Variants in RUBCN observed in about 807,000 individuals in gnomAD.
The protein encoded by RUBCN is rubicon autophagy regulator, also known as run domain Beclin-1-interacting and cysteine-rich domain-containing protein.
RUBCN carries 74 observed loss-of-function variants against 113.2 expected under a neutral mutation model. The ratio of observed to expected loss-of-function variants is 0.65; its 90% confidence interval spans 0.54 to 0.79. The LOEUF is 0.79. RUBCN is among the 30% of genes least tolerant of loss of function. The pLI, the probability that RUBCN is intolerant of heterozygous loss-of-function variation, is 0.00. For missense variants in RUBCN, 1,109 were observed against 1,251.7 expected (o/e 0.89, Z 1.72); for synonymous variants, 480 against 490.0 (o/e 0.98, Z 0.27).
intron 6 of RUBCN, 78 bp downstream of exon 6, chr3:197,701,630 C>G (rs1723684919): frequency 7.1e-7 from 1 of 1,403,104 alleles, no homozygotes; most frequent in South Asian, 1.2e-5. Flanking sequence ...ATTTTCCAAG[C>G]CTATGAGCAA....
upstream of RUBCN, chr3:197,736,922 G>A: frequency 7.4e-7 from 1 of 1,355,004 alleles, no homozygotes. Context: ...TCCGGCTCCG[G>A]GGACTACAGC....
In RUBCN at chr3:197,675,571, C is replaced by A; in HGVS notation, c.2647-56G>T. 4.5e-6 allele frequency: 6 copies of A among 1,341,228 alleles called. No homozygotes were observed. The highest frequency in any genetic ancestry group is 6.4e-6 in the Non-Finnish European group (6 of 935,208). 83.1% of individuals were successfully genotyped at this position (1,341,228 alleles called of 1,614,324 possible). On this transcript the variant is annotated intron_variant, in intron 18 of 19. Coordinates refer to ENST00000296343, the MANE Select transcript of RUBCN (RefSeq NM_014687.4). This position sits in a 1 kb window ranked among gnomAD's most constrained non-coding sequence, Gnocchi z 4.4. ...AGGAGCGGCACATCAGGAACTGGCA[C>A]GGGAGGGTGAACACCGAGGAGGGGA...
chr3:197,682,507 G>A lies in RUBCN; in HGVS notation c.2089C>T (p.Arg697Trp), dbSNP rs1376478052. Residue 697 changes from arginine to tryptophan, a missense_variant, in exon 14 of 20, where the codon CGG becomes TGG. Physicochemically the swap from Arg to Trp is moderately radical, Grantham distance 101. Around this residue, in one of 3 missense-constraint regions of RUBCN, gnomAD observed 67 missense variants for 123.2 expected, o/e 0.54. Coordinates refer to ENST00000296343, the MANE Select transcript of RUBCN (RefSeq NM_014687.4). ...TGAACATTAAAAATTATCTGAGGCCGGGGCGGGGCCCACTCCAAGTTGCCA... is the reference window on the plus strand; with the variant it reads ...TGAACATTAAAAATTATCTGAGGCCAGGGCGGGGCCCACTCCAAGTTGCCA... ...VRGNLEWAPP[R>W]PQIIFNVHPA... 1.2e-6 allele frequency: 2 copies of A among 1,614,132 alleles called. No individual in the cohort carries two copies. Among genetic ancestry groups the A allele is most frequent in the Admixed American group, 1.7e-5 (1 of 60,018 alleles).
At chr3:197,725,126 G>A (rs9838354) in intron 1 of RUBCN, among the ~76,000 whole-genome samples, 14,624 of 152,178 alleles carry the variant, frequency 0.096, 837 homozygotes, top group African/African-American at 0.15. Context: ...CAAGGGCTTC[G>A]AAGTTGGAAG....
chr3:197,712,832 A>C (rs1159616345), intron 2 of RUBCN, among the ~76,000 whole-genome samples: 3 of 152,086 alleles, frequency 2.0e-5, no homozygotes, highest in Non-Finnish European at 2.9e-5. Flanking sequence ...TTTCATTCTG[A>C]TGACCAGATA....
At chr3:197,707,126 G>A (rs1311547750) in intron 2 of RUBCN, among the ~76,000 whole-genome samples, 22 of 142,798 alleles carry the variant, frequency 1.5e-4, no homozygotes, top group African/African-American at 6.7e-4. Flanking sequence ...GGCAGATCAC[G>A]AGGTCAGGAG....
At chr3:197,692,958 T>C (rs927833568) in intron 11 of RUBCN, among the ~76,000 whole-genome samples, 2 of 152,212 alleles carry the variant, frequency 1.3e-5, no homozygotes, top group Admixed American at 1.3e-4. Context: ...ATACACAATG[T>C]TGTAACAGAG....
intron 11 of RUBCN, chr3:197,690,959 C>G (rs1001278476): frequency 1.9e-6 from 1 of 514,512 alleles, no homozygotes; most frequent in Non-Finnish European, 3.5e-6. Flanking sequence ...AGTTCTCCAG[C>G]CCCTACAGTC....
chr3:197,741,247 C>T (rs1443400941), upstream of RUBCN, among the ~76,000 whole-genome samples: 1 of 152,156 alleles, frequency 6.6e-6, no homozygotes, highest in Non-Finnish European at 1.5e-5. Context: ...TAATGATTAA[C>T]TTTAAAGACA....
intron 2 of RUBCN, among the ~76,000 whole-genome samples, chr3:197,713,968 C>T (rs551356763): frequency 4.0e-5 from 6 of 151,708 alleles, no homozygotes; most frequent in South Asian, 2.1e-4. Context: ...CCCAGCTACT[C>T]GGGAGGCTGA....
At chr3:197,688,801 T>C (rs1342227905) in intron 11 of RUBCN, among the ~76,000 whole-genome samples, 2 of 152,182 alleles carry the variant, frequency 1.3e-5, no homozygotes, top group South Asian at 2.1e-4. Context: ...GCATCACACA[T>C]TGGATAATTC....
rs1383707747 is a variant in RUBCN, at chr3:197,669,274, C to T, written c.*5744G>A. On this transcript the variant is annotated 3_prime_UTR_variant, in exon 20 of 20. Coordinates refer to ENST00000296343, the MANE Select transcript of RUBCN (RefSeq NM_014687.4). ...TGTATTCAGATTTTGCCAGTTTTTT[C>T]ACTAATATCCTTTCTCCATTTCGGG... Among the ~76,000 whole-genome samples the T allele has an allele frequency of 1.3e-5, 2 of 152,156 alleles. No individual in the cohort carries two copies. Among genetic ancestry groups the T allele is most frequent in the Non-Finnish European group, 2.9e-5 (2 of 68,016 alleles).
intron 4 of RUBCN, 83 bp from the exon 5 acceptor site, chr3:197,703,737 A>G (rs1349701143): frequency 1.2e-6 from 1 of 836,962 alleles, no homozygotes; most frequent in African/African-American, 1.7e-5. Context: ...AGGGAGAGGT[A>G]AGGATGAATG....
intron 16 of RUBCN, among the ~76,000 whole-genome samples, chr3:197,679,183 C>T (rs1259972555): frequency 6.7e-6 from 1 of 150,336 alleles, no homozygotes; most frequent in Non-Finnish European, 1.5e-5. Flanking sequence ...TTCAGACTGT[C>T]CTACGCTCTG....
At chr3:197,677,195 G>C (rs190261896) in intron 17 of RUBCN, among the ~76,000 whole-genome samples, 157 bp from the exon 18 acceptor site, 68 of 152,352 alleles carry the variant, frequency 4.5e-4, no homozygotes, top group Non-Finnish European at 1.5e-4. Flanking sequence ...CACGCTATTA[G>C]GTGTCTGGAT....
rs1192767224 is a variant in RUBCN, at chr3:197,670,427, T to C, written c.*4591A>G. On this transcript the variant is annotated 3_prime_UTR_variant, in exon 20 of 20. Coordinates refer to ENST00000296343, the MANE Select transcript of RUBCN (RefSeq NM_014687.4). ...GCTGCCATTGTGAATCAATGGTCCT[T>C]GTTTTCCTCTTCAACAGTCTTTCCA... Among the ~76,000 whole-genome samples the C allele has an allele frequency of 6.6e-6, 1 of 152,248 alleles. No homozygotes were observed. The highest frequency in any genetic ancestry group is 2.4e-5 in the African/African-American group (1 of 41,470).
intron 1 of RUBCN, among the ~76,000 whole-genome samples, chr3:197,725,896 C>A (rs1726691501): frequency 6.6e-6 from 1 of 152,130 alleles, no homozygotes; most frequent in Non-Finnish European, 1.5e-5. Flanking sequence ...AACTTTGCTG[C>A]CCAGTACTCC....
chr3:197,695,743 T>G, intron 9 of RUBCN, 123 bp downstream of exon 9: 1 of 880,976 alleles, frequency 1.1e-6, no homozygotes, highest in South Asian at 1.4e-5. Flanking sequence ...TGAGCTTCCC[T>G]TTACCGTGAA....
intron 2 of RUBCN, among the ~76,000 whole-genome samples, chr3:197,709,997 C>G (rs1724774723): frequency 6.6e-6 from 1 of 151,694 alleles, no homozygotes; most frequent in Non-Finnish European, 1.5e-5. Flanking sequence ...ATGTGAAACC[C>G]TGTCTCTACT....
Sources: allele counts gnomAD v4.1 joint callset (sites outside exome capture counted in the v4.1 genomes callset), GRCh38; gene constraint gnomAD v4.1.1; regional missense constraint gnomAD v4.1.1; non-coding constraint Gnocchi (gnomAD v3.1); transcripts MANE v1.5; gene names NCBI Gene and HGNC (gene_info 2026-07-23, HGNC 2026-07-21).